LONRF2: variants seen among roughly 807,000 people sequenced by gnomAD.
The protein encoded by LONRF2 is LON peptidase N-terminal domain and ring finger 2, also known as LON peptidase N-terminal domain and RING finger protein 2.
LONRF2 carries 35 observed loss-of-function variants against 66.6 expected under a neutral mutation model. The ratio of observed to expected loss-of-function variants is 0.53; its 90% CI spans 0.40 to 0.70. The LOEUF is 0.70. LONRF2 is among the 30% of genes least tolerant of loss of function. LONRF2 has a pLI of 0.00. For synonymous variants in LONRF2, 417 were observed against 418.1 expected (o/e 1.00, Z 0.03); for missense variants, 902 against 1,002.1 (o/e 0.90, Z 1.35).
At position 100,300,866 on chromosome 2, in the gene LONRF2, A is replaced by T. The variant is rs368809419; in HGVS notation, c.922-79T>A. ...AATATAGTATGTCTTATAGATTCAG[A>T]GGAAACTAAGAGGCCAAATAAGCCT... On this transcript the variant is annotated intron_variant, in intron 3 of 11. Transcript: ENST00000393437. 3 of 1,165,274 alleles carry T rather than the reference A, an allele frequency of 2.6e-6. No homozygotes were observed. The African/African-American group carries it at 4.7e-5, about 18-fold the overall frequency. 72.2% of individuals were successfully genotyped at this position (1,165,274 alleles called of 1,614,324 possible).
intron 1 of LONRF2, among the ~76,000 whole-genome samples, chr2:100,316,416 T>C (rs1376498171): frequency 6.6e-6 from 1 of 151,732 alleles, no homozygotes; most frequent in Non-Finnish European, 1.5e-5. Flanking sequence ...TTTTCTACTT[T>C]ATGTTGTGAT....
chr2:100,271,990 G>A lies in LONRF2; in HGVS notation c.*12308C>T, dbSNP rs1361440244. 1.3e-5 allele frequency among the ~76,000 whole-genome samples: 2 copies of A among 152,236 alleles called. No homozygotes were observed. Among genetic ancestry groups the A allele is most frequent in the Non-Finnish European group, 2.9e-5 (2 of 68,044 alleles). ...TCACTGCATGAGGAAGCGGGAAAAT[G>A]CCTGATCCTTACAACTCACATATAA... On this transcript the variant is annotated 3_prime_UTR_variant, in exon 12 of 12. Coordinates refer to ENST00000393437, the MANE Select transcript of LONRF2 (RefSeq NM_198461.4).
chr2:100,318,368 G>A (rs542887617), intron 1 of LONRF2, among the ~76,000 whole-genome samples: 7 of 152,092 alleles, frequency 4.6e-5, no homozygotes, highest in East Asian at 3.9e-4. Flanking sequence ...TTCAACATAC[G>A]TACTAGTTAT....
At position 100,295,575 on chromosome 2, in the gene LONRF2, T is replaced by C. The variant is rs757619611; in HGVS notation, c.1477-22A>G. 2.9e-5 allele frequency: 46 copies of C among 1,607,768 alleles called. No individual in the cohort carries two copies. The Admixed American group carries it at 7.6e-4, about 26-fold the overall frequency. On this transcript the variant is annotated intron_variant, in intron 7 of 11. Transcript: ENST00000393437. ...ATAACTGTAACAAAAAAAAGTCAAA[T>C]GATACTGTATGGTAATTGATTCTAA...
At position 100,284,417 on chromosome 2, in the gene LONRF2, T is replaced by A; in HGVS notation, c.2146A>T (p.Ile716Phe). ...LPLERKAQLA[I>F]LGMTSLKERL... ...TCTTTGAGCGAGGTCATGCCGAGGA[T>A]GGCCAGCTGAGCCTTGCGCTCCAGG... Residue 716 changes from isoleucine (I) to phenylalanine (F), a missense_variant, in exon 12 of 12, where the codon ATC becomes TTC. Physicochemically the swap from Ile to Phe is conservative, Grantham distance 21 (BLOSUM62 0). This residue lies in a region of LONRF2 where 317 missense variants were observed against 432.2 expected (regional missense o/e 0.73). Coordinates refer to ENST00000393437, the MANE Select transcript of LONRF2 (RefSeq NM_198461.4). 1 of 1,607,162 alleles carries A rather than the reference T, an allele frequency of 6.2e-7. No homozygotes were observed. The highest frequency in any genetic ancestry group is 2.2e-5 in the East Asian group (1 of 44,674).
chr2:100,298,845 T>C lies in LONRF2; in HGVS notation c.1467A>G (p.Lys489=), dbSNP rs1675122525. ...CCTAAAGTGTACTTACTTCCGAAAG[T>C]TTGTCTTTGCACAAAGGACAGTGTG... is the stretch of plus-strand genomic sequence containing the variant. ...HAPHCPLCKD[K]LSELLASRNF... The change falls in exon 7 of 12, where the codon AAA becomes AAG. Residue 489 remains lysine (K), a synonymous_variant. Transcript: ENST00000393437. 6.2e-7 allele frequency: 1 copy of C among 1,613,592 alleles called. No individual in the cohort carries two copies. Among genetic ancestry groups the C allele is most frequent in the East Asian group, 2.2e-5 (1 of 44,878 alleles).
rs753478031 is a variant in LONRF2 at position 100,276,488 on chromosome 2, G to A, written c.*7810C>T. On this transcript the variant is annotated 3_prime_UTR_variant, in exon 12 of 12. Coordinates refer to ENST00000393437, the MANE Select transcript of LONRF2 (RefSeq NM_198461.4). ...TTAAAATTAAAGTCAGTCTTTGGCA[G>A]TTATAAACTAGCTTGATAAAATGAT... 3 of 152,190 alleles carry A rather than the reference G, an allele frequency of 2.0e-5. No homozygotes were observed. Among genetic ancestry groups the A allele is most frequent in the Non-Finnish European group, 4.4e-5 (3 of 68,042 alleles). The allele number at this position is 152,190 out of a possible 1,614,324, so 9.4% of individuals were successfully genotyped here.
At chr2:100,284,525 C>T (rs762370144) in intron 11 of LONRF2, 33 bp from the exon 12 acceptor site, 2 of 1,487,912 alleles carry the variant, frequency 1.3e-6, no homozygotes, top group Non-Finnish European at 1.8e-6. Flanking sequence ...GCAAGGTTAA[C>T]ACTGGAAATG....
In LONRF2 at chr2:100,272,623, A is replaced by G. The variant is rs1315447374; in HGVS notation, c.*11675T>C. Among the ~76,000 whole-genome samples the G allele has an allele frequency of 2.5e-5, 2 of 79,144 alleles. No individual in the cohort carries two copies. Among genetic ancestry groups the G allele is most frequent in the Non-Finnish European group, 5.5e-5 (2 of 36,360 alleles). 51.9% of individuals were successfully genotyped at this position (79,144 alleles called of 152,430 possible). A position where few individuals can be genotyped will look rare whatever the true frequency, so the allele number is the denominator to read the frequency against. On this transcript the variant is annotated 3_prime_UTR_variant, in exon 12 of 12. Coordinates refer to ENST00000393437, the MANE Select transcript of LONRF2 (RefSeq NM_198461.4). ...CAGGAAGTTAATAAAAATACTTTTC[A>G]GTATTTTGTAGAGTGTTATGCTGTT...
chr2:100,286,765 G>T, intron 11 of LONRF2, 149 bp downstream of exon 11: 2 of 711,992 alleles, frequency 2.8e-6, no homozygotes, highest in Non-Finnish European at 4.3e-6. Context: ...CACAGTAGGT[G>T]CTCCTTTGGG....
Position 100,275,997 on chromosome 2 carries a change from A to T in LONRF2, c.*8301T>A, listed in dbSNP as rs989325747. The stretch of plus-strand genomic sequence containing the variant: ...CAAATATATAATAAATTGTACATGT[A>T]TATGTACATATGCAGCTAAACGGAA... On this transcript the variant is annotated 3_prime_UTR_variant, in exon 12 of 12. Transcript: ENST00000393437. The T allele has an allele frequency of 1.3e-5, 2 of 152,208 alleles. No individual in the cohort carries two copies. Among genetic ancestry groups the T allele is most frequent in the Admixed American group, 1.3e-4 (2 of 15,284 alleles). 9.4% of individuals were successfully genotyped at this position (152,208 alleles called of 1,614,324 possible).
intron 2 of LONRF2, among the ~76,000 whole-genome samples, chr2:100,304,789 A>AGTTT (rs1675258460): frequency 3.0e-5 from 2 of 66,552 alleles, no homozygotes; most frequent in Non-Finnish European, 5.9e-5. Flanking sequence ...ATGCCTGGCT[A>AGTTT]ATTTTTTTTT....
intron 1 of LONRF2, among the ~76,000 whole-genome samples, chr2:100,311,792 A>G (rs566051810): frequency 9.7e-4 from 148 of 152,308 alleles, no homozygotes; most frequent in African/African-American, 3.4e-3. Flanking sequence ...TGCTTTCAGC[A>G]TCTGAGAGAT....
intron 1 of LONRF2, among the ~76,000 whole-genome samples, chr2:100,314,482 T>TTTTTC (rs1364437526): frequency 6.6e-6 from 1 of 152,200 alleles, no homozygotes; most frequent in African/African-American, 2.4e-5. Context: ...ACAGATTGGC[T>TTTTTC]TTTTCTTTTT....
At chr2:100,320,952 G>A (rs1363636412) in intron 1 of LONRF2, among the ~76,000 whole-genome samples, 3 of 152,316 alleles carry the variant, frequency 2.0e-5, no homozygotes, top group South Asian at 2.1e-4. Context: ...AGCGTTTGAC[G>A]TGATTACAGC....
In LONRF2 at chr2:100,299,740, G is replaced by T; in HGVS notation, c.1244C>A (p.Ala415Asp). The T allele has an allele frequency of 2.5e-6, 4 of 1,614,000 alleles. No homozygotes were observed. The highest frequency in any genetic ancestry group is 1.7e-5 in the Admixed American group (1 of 60,006). ...DDVEDAPDLN[A>D]PGKIPKKDLS... ...ACCTTTCTTGGGAATTTTTCCAGGGGCGTTCAGGTCAGGTGCATCCTCCAC... is the reference window on the plus strand; with the variant it reads ...ACCTTTCTTGGGAATTTTTCCAGGGTCGTTCAGGTCAGGTGCATCCTCCAC... The change falls in exon 5 of 12, where the codon GCC (alanine) becomes GAC (aspartate). Residue 415 changes from alanine to aspartate, a missense_variant. This residue lies in a region of LONRF2 where 585 missense variants were observed against 569.9 expected (regional missense o/e 1.03). Coordinates refer to ENST00000393437, the MANE Select transcript of LONRF2 (RefSeq NM_198461.4).
chr2:100,309,248 A>C lies in LONRF2; in HGVS notation c.680-23T>G, dbSNP rs1296394859. The C allele has an allele frequency of 2.7e-6, 4 of 1,477,754 alleles. 1 individual carries two copies. In the South Asian group the frequency reaches 4.8e-5, roughly 18 times the overall value. The allele number at this position is 1,477,754 out of a possible 1,614,324, so 91.5% of individuals were successfully genotyped here. A position where few individuals can be genotyped will look rare whatever the true frequency, so the allele number is the denominator to read the frequency against. ...GAGCTGAAAGACAGGAGGAATACAAATCAATAAAAATGACTGCATTTAAAA... is the reference window on the plus strand; with the variant it reads ...GAGCTGAAAGACAGGAGGAATACAACTCAATAAAAATGACTGCATTTAAAA... On this transcript the variant is annotated intron_variant, in intron 1 of 11. Coordinates refer to ENST00000393437, the MANE Select transcript of LONRF2 (RefSeq NM_198461.4).
chr2:100,311,448 A>C (rs1530028), intron 1 of LONRF2, among the ~76,000 whole-genome samples: 64,331 of 151,696 alleles, frequency 0.42, 14,857 homozygotes, highest in East Asian at 0.71. Context: ...GTGAGAATGG[A>C]GATCTCATAT....
chr2:100,305,974 C>T (rs1262451201), intron 2 of LONRF2, among the ~76,000 whole-genome samples: 3 of 152,138 alleles, frequency 2.0e-5, no homozygotes, highest in African/African-American at 4.8e-5. Context: ...CTGCAACCTC[C>T]ACCTCCCAGG....
Sources: allele counts gnomAD v4.1 joint callset (sites outside exome capture counted in the v4.1 genomes callset), GRCh38; gene constraint gnomAD v4.1.1; regional missense constraint gnomAD v4.1.1; transcripts MANE v1.5; gene names NCBI Gene and HGNC (gene_info 2026-07-23, HGNC 2026-07-21).